Variants in MYO19 observed in about 807,000 individuals in gnomAD.
MYO19 encodes the protein myosin XIX.
A neutral mutation model predicts 129.2 loss-of-function variants in MYO19; 132 were observed. The ratio of observed to expected loss-of-function variants is 1.02; its 90% CI spans 0.89 to 1.18. The LOEUF is 1.18. Ranked by LOEUF, MYO19 falls within the 50% of genes most tolerant of loss-of-function variation. MYO19 has a pLI of 0.00. For synonymous variants in MYO19, 531 were observed against 477.2 expected (o/e 1.11, Z -1.47); for missense variants, 1,210 against 1,216.7 (o/e 0.99, Z 0.08).
At chr17:36,528,790 C>T (rs546800383) in intron 3 of MYO19, among the ~76,000 whole-genome samples, 6 of 152,110 alleles carry the variant, frequency 3.9e-5, no homozygotes, top group Admixed American at 6.6e-5. Flanking sequence ...AGTCAGTGCC[C>T]GGCATACAGC....
rs140058153 is a variant in MYO19, at chr17:36,498,882, C to T, written c.2463+193G>A. ...TCCCAGAGTTGCTTATACCACTCTTCACCTACATAACCACCCTGCAGGGTA... is the reference window on the plus strand; with the variant it reads ...TCCCAGAGTTGCTTATACCACTCTTTACCTACATAACCACCCTGCAGGGTA... On this transcript the variant is annotated intron_variant, in intron 24 of 25. Transcript: ENST00000614623. 176 of 597,140 alleles carry T rather than the reference C, an allele frequency of 2.9e-4. 1 individual carries two copies. In the East Asian group the frequency reaches 4.8e-3, roughly 16 times the overall value. The allele number at this position is 597,140 out of a possible 1,614,324, so 37.0% of individuals were successfully genotyped here.
At position 36,515,156 on chromosome 17, in the gene MYO19, T is replaced by C. The variant is rs770247130; in HGVS notation, c.574A>G (p.Asn192Asp). Residue 192 changes from asparagine (N) to aspartate (D), a missense_variant, in exon 8 of 26, where the codon AAC becomes GAC. By Grantham distance (23) the Asn-to-Asp change is conservative. Coordinates refer to ENST00000614623, the MANE Select transcript of MYO19 (RefSeq NM_001163735.2). The stretch of plus-strand genomic sequence containing the variant: ...ATGAACTTCCCAAAGCGACTGCTGT[T>C]GTTATTCCTCAGTGTACACGCATTC... The part of the protein sequence containing the change: ...FGNACTLRNN[N>D]SSRFGKFIQL... The C allele has an allele frequency of 6.2e-7, 1 of 1,612,884 alleles. No homozygotes were observed. The highest frequency in any genetic ancestry group is 1.7e-5 in the Admixed American group (1 of 59,898).
At position 36,508,095 on chromosome 17, in the gene MYO19, T is replaced by G. The variant is rs1599272928; in HGVS notation, c.1232-171A>C. The G allele has an allele frequency of 1.1e-5, 7 of 613,416 alleles. No individual in the cohort carries two copies. The East Asian group carries it at 2.1e-4, about 19-fold the overall frequency. 38.0% of individuals were successfully genotyped at this position (613,416 alleles called of 1,614,324 possible). On this transcript the variant is annotated intron_variant, in intron 14 of 25. Coordinates refer to ENST00000614623, the MANE Select transcript of MYO19 (RefSeq NM_001163735.2). ...TGGGCAGAACATACCTTCCCCACCC[T>G]CCACCCAAGGTGGCTCCCATCTCTA... is the stretch of plus-strand genomic sequence containing the variant.
Position 36,540,659 on chromosome 17 carries a change from C to T in MYO19, n.395+1422G>A, listed in dbSNP as rs529703489. Among the ~76,000 whole-genome samples, 25 of 152,230 alleles carry T rather than the reference C, an allele frequency of 1.6e-4. No homozygotes were observed. The South Asian group carries it at 2.3e-3, about 14-fold the overall frequency. On this transcript the variant is annotated intron_variant and non_coding_transcript_variant, in intron 2 of 2. Coordinates refer to the MYO19 transcript ENST00000610496. ...GTGCTGGGATATAGGCATGAGCCAC[C>T]GCACCCAACCAGGTGTGTTTATTTT...
intron 6 of MYO19, among the ~76,000 whole-genome samples, chr17:36,524,323 T>C (rs1011901609): frequency 6.6e-6 from 1 of 152,164 alleles, no homozygotes; most frequent in African/African-American, 2.4e-5. Context: ...CACCCCTCAG[T>C]GCCCAGCCAG....
Position 36,525,444 on chromosome 17 carries a change from G to A in MYO19, c.301-103C>T. On this transcript the variant is annotated intron_variant, in intron 5 of 25. Coordinates refer to ENST00000614623, the MANE Select transcript of MYO19 (RefSeq NM_001163735.2). ...TGGGGAGGCTGCCAATAGCAGTGGT[G>A]GGATGCTTCCTCCAGAAAAATTTTC... 5.9e-6 allele frequency: 5 copies of A among 850,816 alleles called. No individual in the cohort carries two copies. In the East Asian group the frequency reaches 7.5e-5, roughly 13 times the overall value. The allele number at this position is 850,816 out of a possible 1,614,324, so 52.7% of individuals were successfully genotyped here.
chr17:36,510,797 C>A lies in MYO19; in HGVS notation c.1106G>T (p.Arg369Leu). The A allele has an allele frequency of 6.2e-7, 1 of 1,603,914 alleles. No individual in the cohort carries two copies. Among genetic ancestry groups the A allele is most frequent in the East Asian group, 2.3e-5 (1 of 44,406 alleles). Residue 369 changes from arginine (R) to leucine (L), a missense_variant, in exon 13 of 26, where the codon CGA becomes CTA. Physicochemically the swap from Arg to Leu is moderately radical, Grantham distance 102. Coordinates refer to ENST00000614623, the MANE Select transcript of MYO19 (RefSeq NM_001163735.2). ...QQQVFRKPCA[R>L]AECDTRRDCL... is the part of the protein sequence containing the mutation. ...GTCTCTACGGGTGTCACACTCGGCT[C>A]GGGCGCAGGGCTTCCGGAACACCTG... is the stretch of plus-strand genomic sequence containing the variant.
Position 36,527,623 on chromosome 17 carries a change from G to GT in MYO19, c.227dup (p.Asn76LysfsTer36), listed in dbSNP as rs1349485356. 39 of 1,613,986 alleles carry GT rather than the reference G, an allele frequency of 2.4e-5. No homozygotes were observed. The highest frequency in any genetic ancestry group is 5.0e-5 in the Admixed American group (3 of 60,016). ...AGAGCTGAGGAACAGGCTTGAAGGG[G>GT]TTCAAGGCTACCAGGGTGCAGCCAG... On this transcript the variant is annotated frameshift_variant, in exon 5 of 26. Transcript: ENST00000614623. LOFTEE classifies it high-confidence loss of function.
rs993180473 is a variant in MYO19 at position 36,506,822 on chromosome 17, GTGGGCCCAAGA to G, written c.1644+130_1644+140del. On this transcript the variant is annotated intron_variant, in intron 17 of 25. Coordinates refer to ENST00000614623, the MANE Select transcript of MYO19 (RefSeq NM_001163735.2). ...CTTGATTAGTGGAGACCTCAGACAGGTGGGCCCAAGATGGTGATTCTGGATTCTGGGAGGAG... is the reference window on the plus strand; with the variant it reads ...CTTGATTAGTGGAGACCTCAGACAGGTGGTGATTCTGGATTCTGGGAGGAG... 5.9e-6 allele frequency: 7 copies of G among 1,184,802 alleles called. No individual in the cohort carries two copies. The Admixed American group carries it at 1.5e-4, about 25-fold the overall frequency. 73.4% of individuals were successfully genotyped at this position (1,184,802 alleles called of 1,614,324 possible).
intron 6 of MYO19, 28 bp from the exon 7 acceptor site, chr17:36,516,018 T>A (rs2072725262): frequency 6.3e-7 from 1 of 1,593,284 alleles, no homozygotes; most frequent in South Asian, 1.1e-5. Flanking sequence ...CTGTGGGAGC[T>A]GTATCTATGC....
chr17:36,503,857 T>A (rs1412838120), intron 20 of MYO19, 93 bp downstream of exon 20: 3 of 1,058,206 alleles, frequency 2.8e-6, no homozygotes, highest in South Asian at 4.0e-5. Flanking sequence ...CATTTCCACA[T>A]CTCACTCTGG....
rs745348591 is a variant in MYO19 at position 36,496,335 on chromosome 17, G to A, written c.2829C>T (p.Tyr943=). Reference sequence around the variant, plus strand: ...GAATCTGATTAAAGCCTGTAATGCTGTAGGGTGAAGGTTCAGGGCAGATGT... The same window carrying A: ...GAATCTGATTAAAGCCTGTAATGCTATAGGGTGAAGGTTCAGGGCAGATGT... The part of the protein sequence containing the change: ...YADICPEPSP[Y]SITGFNQILL... The change falls in exon 26 of 26, where the codon TAC becomes TAT. Residue 943 remains tyrosine, a synonymous_variant. Coordinates refer to ENST00000614623, the MANE Select transcript of MYO19 (RefSeq NM_001163735.2). 1 of 1,614,032 alleles carries A rather than the reference G, an allele frequency of 6.2e-7. No individual in the cohort carries two copies. Among genetic ancestry groups the A allele is most frequent in the South Asian group, 1.1e-5 (1 of 91,074 alleles).
intron 23 of MYO19, chr17:36,500,227 T>G (rs748289858): frequency 1.9e-4 from 29 of 152,330 alleles, no homozygotes; most frequent in African/African-American, 7.0e-4. Context: ...GCCCTTAATA[T>G]GTAGTTTGAC....
chr17:36,506,904 T>A, intron 17 of MYO19, 59 bp downstream of exon 17: 1 of 1,466,884 alleles, frequency 6.8e-7, no homozygotes. Flanking sequence ...TATGTCTGCA[T>A]AGCAAAGACC....
chr17:36,496,017 T>C lies in MYO19; in HGVS notation c.*234A>G, dbSNP rs923023144. 1.6e-5 allele frequency: 13 copies of C among 795,174 alleles called. No individual in the cohort carries two copies. Among genetic ancestry groups the C allele is most frequent in the Admixed American group, 6.6e-5 (2 of 30,476 alleles). The allele number at this position is 795,174 out of a possible 1,614,324, so 49.3% of individuals were successfully genotyped here. A position where few individuals can be genotyped will look rare whatever the true frequency, so the allele number is the denominator to read the frequency against. On this transcript the variant is annotated 3_prime_UTR_variant, in exon 26 of 26. Coordinates refer to ENST00000614623, the MANE Select transcript of MYO19 (RefSeq NM_001163735.2). ...TAGTGAAATGTGGCCCTGATGTTTC[T>C]TAACCCTGATTTGGTAACTACCAGC...
chr17:36,513,781 T>A (rs1228985984), intron 9 of MYO19, 56 bp from the exon 10 acceptor site: 2 of 1,491,800 alleles, frequency 1.3e-6, no homozygotes, highest in African/African-American at 2.8e-5. Context: ...AGCCCAGGCC[T>A]GCATAGGCAG....
chr17:36,526,067 T>G (rs2073445107), intron 5 of MYO19, among the ~76,000 whole-genome samples: 1 of 152,144 alleles, frequency 6.6e-6, no homozygotes, highest in Non-Finnish European at 1.5e-5. Flanking sequence ...TACCCACAGC[T>G]TGCTGAGGGA....
intron 6 of MYO19, among the ~76,000 whole-genome samples, chr17:36,520,757 A>G (rs2073083602): frequency 1.3e-5 from 2 of 152,330 alleles, no homozygotes; most frequent in South Asian, 4.1e-4. Context: ...GGAAGAATAC[A>G]GTATATAAGA....
intron 11 of MYO19, 109 bp downstream of exon 11, chr17:36,513,320 A>G (rs1276307733): frequency 2.5e-6 from 4 of 1,594,720 alleles, no homozygotes; most frequent in Non-Finnish European, 3.4e-6. Flanking sequence ...GAAGGGCCCA[A>G]AGTCCTAGAT....
Sources: allele counts gnomAD v4.1 joint callset (sites outside exome capture counted in the v4.1 genomes callset), GRCh38; gene constraint gnomAD v4.1.1; transcripts MANE v1.5; gene names NCBI Gene and HGNC (gene_info 2026-07-23, HGNC 2026-07-21).